The following CDH17 variants were observed in gnomAD, a reference collection of about 807,000 sequenced individuals.
CDH17 encodes the protein cadherin-17.
In CDH17, 67 loss-of-function variants were observed where a neutral mutation model predicts 86.3. The ratio of observed to expected loss-of-function variants is 0.78; its 90% CI spans 0.64 to 0.95. The LOEUF is 0.95. Among genes scored for constraint, CDH17 ranks in the 40% least tolerant of loss-of-function variants. CDH17 has a pLI of 0.00. For missense variants in CDH17, 993 were observed against 1,017.6 expected (o/e 0.98, Z 0.33); for synonymous variants, 367 against 366.4 (o/e 1.00, Z -0.02).
At chr8:94,176,347 T>A (rs1448349993) in intron 5 of CDH17, among the ~76,000 whole-genome samples, 194 bp downstream of exon 5, 1 of 152,176 alleles carries the variant, frequency 6.6e-6, no homozygotes, top group Admixed American at 6.5e-5. Flanking sequence ...ACCCAAGATG[T>A]CAATACATAG....
At chr8:94,199,579 G>T (rs911987032) in intron 1 of CDH17, among the ~76,000 whole-genome samples, 3 of 152,008 alleles carry the variant, frequency 2.0e-5, no homozygotes, top group African/African-American at 7.3e-5. Context: ...ATCACTGTCT[G>T]GGATGTTTCA....
At chr8:94,190,489 C>T (rs557653531) in intron 2 of CDH17, among the ~76,000 whole-genome samples, 39 of 152,306 alleles carry the variant, frequency 2.6e-4, no homozygotes, top group African/African-American at 8.9e-4. Context: ...TTGGGGCACC[C>T]TCTAGGACCA....
chr8:94,152,154 G>A (rs567602450), intron 12 of CDH17, 42 bp from the exon 13 acceptor site: 12 of 1,604,804 alleles, frequency 7.5e-6, no homozygotes, highest in African/African-American at 1.3e-5. Context: ...GGGGTGATTA[G>A]CTCCCTTAAA....
intron 15 of CDH17, among the ~76,000 whole-genome samples, chr8:94,141,722 A>G: frequency 6.6e-6 from 1 of 152,180 alleles, no homozygotes; most frequent in Admixed American, 6.5e-5. Flanking sequence ...TTGCTGAACG[A>G]AATTAAAGAG....
chr8:94,151,401 C>A (rs1242227957), intron 13 of CDH17, among the ~76,000 whole-genome samples: 1 of 152,208 alleles, frequency 6.6e-6, no homozygotes, highest in Non-Finnish European at 1.5e-5. Flanking sequence ...AGCCAAGGAA[C>A]CTATGTATCC....
chr8:94,130,558 G>T (rs776824647), intron 17 of CDH17, 68 bp downstream of exon 17: 71 of 1,057,566 alleles, frequency 6.7e-5, no homozygotes, highest in Non-Finnish European at 9.7e-5. Context: ...CAGGAAGACA[G>T]GCCCTGAGAT....
rs373568990 is a variant in CDH17, at chr8:94,165,981, G to A, written c.1067-5C>T. 76 of 1,594,988 alleles carry A rather than the reference G, an allele frequency of 4.8e-5. No homozygotes were observed. The highest frequency in any genetic ancestry group is 3.3e-4 in the Middle Eastern group (2 of 6,034). On this transcript the variant is annotated splice_polypyrimidine_tract_variant and splice_region_variant and intron_variant, in intron 9 of 17. Transcript: ENST00000027335. ...TAAGGGTCCCGATACTGTTACCTAT[G>A]AGGAAGGAAAGAAGGAAAACCCACC...
intron 9 of CDH17, 86 bp from the exon 10 acceptor site, chr8:94,166,062 AG>A (rs1251080796): frequency 3.6e-5 from 28 of 775,420 alleles, no homozygotes; most frequent in Non-Finnish European, 5.6e-5. Context: ...GCACATTCCT[AG>A]AAAACACCAT....
chr8:94,170,406 C>A lies in CDH17; in HGVS notation c.1057G>T (p.Glu353Ter). 1 of 1,611,450 alleles carries A rather than the reference C, an allele frequency of 6.2e-7. No individual in the cohort carries two copies. The highest frequency in any genetic ancestry group is 8.5e-7 in the Non-Finnish European group (1 of 1,178,872). Residue 353 changes from glutamate to a stop codon, truncating the protein, a stop_gained, in exon 9 of 18, where the codon GAA becomes TAA. Coordinates refer to ENST00000027335, the MANE Select transcript of CDH17 (RefSeq NM_004063.4). LOFTEE classifies it high-confidence loss of function. ...AGCTCTCATTTCTTACCCAGTCGTT[C>A]ATTCTCCTGGACCTCAAATACGGTT... Reference protein sequence around the residue: ...PVTVFEVQENERLGNSIGTLT... With the variant: ...PVTVFEVQEN
At chr8:94,180,467 A>T (rs1012318868) in intron 3 of CDH17, among the ~76,000 whole-genome samples, 2 of 152,200 alleles carry the variant, frequency 1.3e-5, no homozygotes, top group Non-Finnish European at 2.9e-5. Flanking sequence ...AAGAAATCCA[A>T]ATTTAGTCAC....
chr8:94,145,885 A>G (rs1242182821), intron 15 of CDH17, 43 bp downstream of exon 15: 1 of 1,582,668 alleles, frequency 6.3e-7, no homozygotes, highest in African/African-American at 1.4e-5. Flanking sequence ...ACCTACTTTC[A>G]TCATCCATCT....
Position 94,170,515 on chromosome 8 carries a change from G to A in CDH17, c.948C>T (p.Tyr316=), listed in dbSNP as rs145434915. The change falls in exon 9 of 18, where the codon TAC becomes TAT. Residue 316 remains tyrosine (Y), a synonymous_variant. Coordinates refer to ENST00000027335, the MANE Select transcript of CDH17 (RefSeq NM_004063.4). ...YVFYAVAKDE[Y]GKPLSYPLEI... ...CCAGCGGATATGAAAGTGGTTTTCC[G>A]TACTCATCCTTTGCAACTGCATAAA... 9.9e-4 allele frequency: 1,590 copies of A among 1,613,702 alleles called. 38 individuals are homozygous for A. The South Asian group carries it at 0.015, about 15-fold the overall frequency.
chr8:94,149,879 G>A (rs1375846222), intron 13 of CDH17, among the ~76,000 whole-genome samples: 2 of 152,082 alleles, frequency 1.3e-5, no homozygotes, highest in Non-Finnish European at 2.9e-5. Context: ...CCTTTAAAAA[G>A]CAACACATCA....
intron 12 of CDH17, among the ~76,000 whole-genome samples, chr8:94,154,163 A>T (rs17726768): frequency 0.017 from 2,611 of 152,308 alleles, 36 homozygotes; most frequent in Non-Finnish European, 0.027. Context: ...TATAAACAAG[A>T]CAAACTTTCA....
intron 15 of CDH17, among the ~76,000 whole-genome samples, chr8:94,135,013 GGTCTGAGAGACA>G (rs1341043913): frequency 6.6e-6 from 1 of 152,120 alleles, no homozygotes; most frequent in Non-Finnish European, 1.5e-5. Flanking sequence ...ATTGCACTGT[GGTCTGAGAGACA>G]GTTTGTTGTG....
At chr8:94,170,030 C>A (rs1208987891) in intron 9 of CDH17, among the ~76,000 whole-genome samples, 2 of 152,028 alleles carry the variant, frequency 1.3e-5, no homozygotes, top group African/African-American at 4.8e-5. Context: ...GAGATTATCT[C>A]TTTAATGAGA....
At chr8:94,138,985 T>A (rs1165766625) in intron 15 of CDH17, among the ~76,000 whole-genome samples, 1 of 152,078 alleles carries the variant, frequency 6.6e-6, no homozygotes, top group Admixed American at 6.6e-5. Context: ...TGCCAGACAT[T>A]CAGTAAAAGA....
rs750231507 is a variant in CDH17 at position 94,152,005 on chromosome 8, G to C, written c.1659C>G (p.Phe553Leu). The C allele has an allele frequency of 1.7e-5, 27 of 1,614,194 alleles. No homozygotes were observed. The highest frequency in any genetic ancestry group is 4.4e-5 in the South Asian group (4 of 91,082). ...CATTCACATCTGTCACAATAAGCGT[G>C]AACTTGGCAAAAGAACTTGCATTGT... ...VKYNASSFAK[F>L]TLIVTDVNEA... Residue 553 changes from phenylalanine to leucine, a missense_variant, in exon 13 of 18, where the codon TTC becomes TTG. Transcript: ENST00000027335.
intron 5 of CDH17, among the ~76,000 whole-genome samples, chr8:94,174,960 A>G (rs543998946): frequency 1.3e-5 from 2 of 152,178 alleles, no homozygotes; most frequent in African/African-American, 2.4e-5. Context: ...AATATAGTAA[A>G]TGTTGATAGA....
Sources: allele counts gnomAD v4.1 joint callset (sites outside exome capture counted in the v4.1 genomes callset), GRCh38; gene constraint gnomAD v4.1.1; transcripts MANE v1.5; gene names NCBI Gene and HGNC (gene_info 2026-07-23, HGNC 2026-07-21).